Variants in NYAP1 observed in about 807,000 individuals in gnomAD.
NYAP1 encodes neuronal tyrosine phosphorylated phosphoinositide-3-kinase adaptor 1, also known as neuronal tyrosine-phosphorylated phosphoinositide-3-kinase adapter 1.
NYAP1 carries 20 observed loss-of-function variants against 58.6 expected under a neutral mutation model. The observed-to-expected ratio is 0.34, with a 90% CI of 0.24 to 0.50. NYAP1 has a LOEUF of 0.50. Ranked by LOEUF, NYAP1 falls within the 20% of genes least tolerant of loss-of-function variation. The probability of loss-of-function intolerance (pLI) is 0.98; values close to 1 mark genes in which losing one functional copy is unlikely to be tolerated. For synonymous variants in NYAP1, 572 were observed against 523.1 expected, an observed-to-expected ratio of 1.09 and a Z score of -1.27; for missense variants, 1,150 against 1,194.5, an observed-to-expected ratio of 0.96 and a Z score of 0.55.
Position 100,488,695 on chromosome 7 carries a change from C to T in NYAP1, c.974C>T (p.Pro325Leu), listed in dbSNP as rs1454265685. ...PTKTTPCEIP[P>L]PFPNLLQHRP... is the part of the protein sequence containing the mutation. ...AAGACCACTCCTTGTGAAATCCCCC[C>T]GCCCTTCCCCAACCTCCTTCAGCAC... is the stretch of plus-strand genomic sequence containing the variant. Residue 325 changes from proline (P) to leucine (L), a missense_variant, in exon 4 of 7, where the codon CCG (proline) becomes CTG (leucine). Physicochemically the swap from Pro to Leu is moderately conservative, Grantham distance 98. Transcript: ENST00000300179. This position sits in a 1 kb window ranked among gnomAD's most constrained non-coding sequence, Gnocchi z 5.9. The T allele has an allele frequency of 5.0e-6, 8 of 1,611,704 alleles. No individual in the cohort carries two copies. The highest frequency in any genetic ancestry group is 2.2e-5 in the East Asian group (1 of 44,836).
chr7:100,492,078 A>T (rs1472311517), intron 6 of NYAP1, among the ~76,000 whole-genome samples: 1 of 150,580 alleles, frequency 6.6e-6, no homozygotes, highest in Non-Finnish European at 1.5e-5. Context: ...AAAAACAAAA[A>T]CCCCACAGAA....
chr7:100,489,514 G>A lies in NYAP1; in HGVS notation c.1793G>A (p.Gly598Asp). 1 of 1,613,468 alleles carries A rather than the reference G, an allele frequency of 6.2e-7. No individual in the cohort carries two copies. Among genetic ancestry groups the A allele is most frequent in the Non-Finnish European group, 8.5e-7 (1 of 1,179,992 alleles). ...IQLQEQGTDG[G>D]AFASISCAHV... ...CTGCAGGAGCAAGGGACCGATGGGG[G>A]TGCTTTTGCCAGCATCTCCTGTGCC... Residue 598 changes from glycine (G) to aspartate (D), a missense_variant, in exon 4 of 7, where the codon GGT becomes GAT. Gly to Asp is a moderately conservative substitution (Grantham distance 94, BLOSUM62 -1). Transcript: ENST00000300179.
chr7:100,489,785 G>T, intron 4 of NYAP1, 119 bp downstream of exon 4: 3 of 805,382 alleles, frequency 3.7e-6, no homozygotes, highest in Non-Finnish European at 3.7e-6. Context: ...TTGAGTCTGG[G>T]ATGTTTTCTA....
Position 100,494,280 on chromosome 7 carries a change from G to C in NYAP1, c.*377G>C, listed in dbSNP as rs957154924. ...TGAGCTGAAAGAGAGGGACTAGAGT[G>C]CCAGATGGAGGAGCTCTTTTCTAGA... On this transcript the variant is annotated 3_prime_UTR_variant, in exon 7 of 7. Transcript: ENST00000300179. The C allele has an allele frequency of 5.8e-5, 12 of 205,194 alleles. 1 individual carries two copies. The East Asian group carries it at 1.3e-3, about 22-fold the overall frequency. 12.7% of individuals were successfully genotyped at this position (205,194 alleles called of 1,614,324 possible).
chr7:100,487,163 G>A lies in NYAP1; in HGVS notation c.411G>A (p.Thr137=), dbSNP rs1348029978. The change falls in exon 3 of 7, where the codon ACG becomes ACA. Residue 137 remains threonine (T), a synonymous_variant. Coordinates refer to ENST00000300179, the MANE Select transcript of NYAP1 (RefSeq NM_173564.4). This position sits in a 1 kb window ranked among gnomAD's most constrained non-coding sequence, Gnocchi z 4.1. ...SMVGPGSGAE[T]PPSKKAGSQK... is the part of the protein sequence containing the mutation. ...TGGGGCCTGGGTCTGGGGCAGAGACGCCCCCCAGCAAGAAAGCAGGTGAGA... is the reference window on the plus strand; with the variant it reads ...TGGGGCCTGGGTCTGGGGCAGAGACACCCCCCAGCAAGAAAGCAGGTGAGA... 3.4e-6 allele frequency: 5 copies of A among 1,491,038 alleles called. No homozygotes were observed. The highest frequency in any genetic ancestry group is 2.4e-5 in the Admixed American group (1 of 41,858). 92.4% of individuals were successfully genotyped at this position (1,491,038 alleles called of 1,614,324 possible). A position where few individuals can be genotyped will look rare whatever the true frequency, so the allele number is the denominator to read the frequency against.
At chr7:100,491,228 G>A in intron 6 of NYAP1, 133 bp downstream of exon 6, 1 of 600,860 alleles carries the variant, frequency 1.7e-6, no homozygotes, top group Non-Finnish European at 2.9e-6. Flanking sequence ...GGGAGGCCAA[G>A]GTGGGAGGGT....
Position 100,486,729 on chromosome 7 carries a change from G to A in NYAP1, c.69-92G>A. 2.2e-6 allele frequency: 3 copies of A among 1,367,314 alleles called. No individual in the cohort carries two copies. Among genetic ancestry groups the A allele is most frequent in the Non-Finnish European group, 2.8e-6 (3 of 1,055,694 alleles). The allele number at this position is 1,367,314 out of a possible 1,614,324, so 84.7% of individuals were successfully genotyped here. Reference sequence around the variant, plus strand: ...AGGCTCCCGTCCTCTTCCCTGGGAAGCCACAGGGTTGCTGACACCTCTTGG... The same window carrying A: ...AGGCTCCCGTCCTCTTCCCTGGGAAACCACAGGGTTGCTGACACCTCTTGG... On this transcript the variant is annotated intron_variant, in intron 2 of 6. Coordinates refer to ENST00000300179, the MANE Select transcript of NYAP1 (RefSeq NM_173564.4). The surrounding 1 kb of genome is among the most constrained non-coding windows in gnomAD (Gnocchi z 6.2).
chr7:100,487,244 C>G lies in NYAP1; in HGVS notation c.430+62C>G, dbSNP rs1381123485. 2.1e-6 allele frequency: 3 copies of G among 1,438,194 alleles called. No individual in the cohort carries two copies. The highest frequency in any genetic ancestry group is 2.7e-5 in the East Asian group (1 of 37,734). The allele number at this position is 1,438,194 out of a possible 1,614,324, so 89.1% of individuals were successfully genotyped here. A position where few individuals can be genotyped will look rare whatever the true frequency, so the allele number is the denominator to read the frequency against. On this transcript the variant is annotated intron_variant, in intron 3 of 6. Coordinates refer to ENST00000300179, the MANE Select transcript of NYAP1 (RefSeq NM_173564.4). The surrounding 1 kb of genome is among the most constrained non-coding windows in gnomAD (Gnocchi z 4.1). Reference sequence around the variant, plus strand: ...GGAGCTGGGAGGATCTATTCCACGCCCGGGGAGGCTTGCCGGGAGGGTTCA... The same window carrying G: ...GGAGCTGGGAGGATCTATTCCACGCGCGGGGAGGCTTGCCGGGAGGGTTCA...
In NYAP1 at chr7:100,487,755, C is replaced by T. The variant is rs948631242; in HGVS notation, c.431-397C>T. ...TTGCTGGCCTCAGGTGATCCACCCACCTCGGCCTCCCAGAGTGCTGGGATT... is the reference window on the plus strand; with the variant it reads ...TTGCTGGCCTCAGGTGATCCACCCATCTCGGCCTCCCAGAGTGCTGGGATT... On this transcript the variant is annotated intron_variant, in intron 3 of 6. Transcript: ENST00000300179. This position sits in a 1 kb window ranked among gnomAD's most constrained non-coding sequence, Gnocchi z 4.1. Among the ~76,000 whole-genome samples the T allele has an allele frequency of 7.2e-5, 11 of 152,226 alleles. No individual in the cohort carries two copies. The highest frequency in any genetic ancestry group is 1.5e-4 in the Non-Finnish European group (10 of 68,032).
intron 6 of NYAP1, among the ~76,000 whole-genome samples, chr7:100,491,611 A>AAAAG (rs1335498004): frequency 6.6e-6 from 1 of 151,788 alleles, no homozygotes; most frequent in African/African-American, 2.4e-5. Context: ...GAAAAAAAAA[A>AAAAG]AAAGAAAGAA....
chr7:100,490,987 C>T lies in NYAP1; in HGVS notation c.2160C>T (p.Asp720=), dbSNP rs1175938368. ...TCACTCCTCCTTCTTCCACCTCAGA[C>T]TTCACGGGAGGCTACCGCCTGGGGC... The part of the protein sequence containing the change: ...QTFPACHRNG[D]FTGGYRLGRS... The change falls in exon 6 of 7, where the codon GAC becomes GAT. Residue 720 remains aspartate (D), a splice_region_variant and synonymous_variant. Transcript: ENST00000300179. This position sits in a 1 kb window ranked among gnomAD's most constrained non-coding sequence, Gnocchi z 4.6. The T allele has an allele frequency of 3.9e-6, 6 of 1,548,150 alleles. No individual in the cohort carries two copies. Among genetic ancestry groups the T allele is most frequent in the Non-Finnish European group, 5.2e-6 (6 of 1,144,092 alleles).
In NYAP1 at chr7:100,487,658, C is replaced by A. The variant is rs547123514; in HGVS notation, c.430+476C>A. On this transcript the variant is annotated intron_variant, in intron 3 of 6. Coordinates refer to ENST00000300179, the MANE Select transcript of NYAP1 (RefSeq NM_173564.4). The surrounding 1 kb of genome is among the most constrained non-coding windows in gnomAD (Gnocchi z 4.1). ...CTGGGATTACAGGCGTCCGTCACCA[C>A]GCCCGGCTAATTTTTTGTATTTTTA... 6.6e-6 allele frequency among the ~76,000 whole-genome samples: 1 copy of A among 152,270 alleles called. No individual in the cohort carries two copies. The highest frequency in any genetic ancestry group is 2.1e-4 in the South Asian group (1 of 4,826).
rs1008574737 is a variant in NYAP1, at chr7:100,486,558, C to T, written c.69-263C>T. Among the ~76,000 whole-genome samples, 12 of 152,072 alleles carry T rather than the reference C, an allele frequency of 7.9e-5. No homozygotes were observed. The highest frequency in any genetic ancestry group is 6.5e-4 in the Admixed American group (10 of 15,268). On this transcript the variant is annotated intron_variant, in intron 2 of 6. Coordinates refer to ENST00000300179, the MANE Select transcript of NYAP1 (RefSeq NM_173564.4). This position sits in a 1 kb window ranked among gnomAD's most constrained non-coding sequence, Gnocchi z 6.2. ...CCACACAGGTGCCCAGGCTGGGATCCGCCAGCCCCAGGGATGCTCCCCTGC... is the reference window on the plus strand; with the variant it reads ...CCACACAGGTGCCCAGGCTGGGATCTGCCAGCCCCAGGGATGCTCCCCTGC...
In NYAP1 at chr7:100,493,738, C is replaced by A; in HGVS notation, c.2361C>A (p.Arg787=). 6.2e-7 allele frequency: 1 copy of A among 1,604,512 alleles called. No homozygotes were observed. Among genetic ancestry groups the A allele is most frequent in the Admixed American group, 1.7e-5 (1 of 59,574 alleles). ...GKLLEVIERK[R]CVCKEIKARH... is the part of the protein sequence containing the mutation. ...TGCTGGAGGTGATCGAGCGCAAGCGCTGCGTGTGCAAGGAGATCAAGGCGC... is the reference window on the plus strand; with the variant it reads ...TGCTGGAGGTGATCGAGCGCAAGCGATGCGTGTGCAAGGAGATCAAGGCGC... The change falls in exon 7 of 7, where the codon CGC becomes CGA. Residue 787 remains arginine, a synonymous_variant. Coordinates refer to ENST00000300179, the MANE Select transcript of NYAP1 (RefSeq NM_173564.4).
intron 6 of NYAP1, among the ~76,000 whole-genome samples, chr7:100,493,004 G>C (rs1799817556): frequency 6.6e-6 from 1 of 151,904 alleles, no homozygotes; most frequent in Admixed American, 6.6e-5. Context: ...AAAGAAAAGA[G>C]AAAGAAAGAA....
chr7:100,489,429 G>T lies in NYAP1; in HGVS notation c.1708G>T (p.Gly570Trp), dbSNP rs769423238. 4.3e-6 allele frequency: 7 copies of T among 1,611,874 alleles called. No homozygotes were observed. The highest frequency in any genetic ancestry group is 2.2e-5 in the East Asian group (1 of 44,852). ...CCCTGCCTATGAGAGCCTCAAGGCT[G>T]GGGGGGTGCTGAATAAGGGCTGTGG... The part of the protein sequence containing the change: ...RPPAYESLKA[G>W]GVLNKGCGVG... Residue 570 changes from glycine to tryptophan, a missense_variant, in exon 4 of 7, where the codon GGG becomes TGG. Gly to Trp is a radical substitution (Grantham distance 184). Transcript: ENST00000300179.
Position 100,486,905 on chromosome 7 carries a change from G to A in NYAP1, c.153G>A (p.Ser51=), listed in dbSNP as rs752513977. 20 of 1,585,482 alleles carry A rather than the reference G, an allele frequency of 1.3e-5. No homozygotes were observed. Among genetic ancestry groups the A allele is most frequent in the Admixed American group, 1.2e-4 (7 of 56,004 alleles). ...GGGTCCGCGTGCGGGACATCGCCTC[G>A]CTGCGGCGCTCCCTCAGGATGGGTT... ...GPGVRVRDIA[S]LRRSLRMGFM... is the part of the protein sequence containing the mutation. Residue 51 remains serine (S), a synonymous_variant, in exon 3 of 7, where the codon TCG becomes TCA. Transcript: ENST00000300179. The surrounding 1 kb of genome is among the most constrained non-coding windows in gnomAD (Gnocchi z 6.2).
In NYAP1 at chr7:100,484,822, C is replaced by G. The variant is rs567462431; in HGVS notation, c.-84-406C>G. ...TTTATGTCTGTGTGCCTGTCTATCCCTAGGTTTCTGTTTACCTATGCCAAT... is the reference window on the plus strand; with the variant it reads ...TTTATGTCTGTGTGCCTGTCTATCCGTAGGTTTCTGTTTACCTATGCCAAT... On this transcript the variant is annotated intron_variant, in intron 1 of 6. Coordinates refer to ENST00000300179, the MANE Select transcript of NYAP1 (RefSeq NM_173564.4). Among the ~76,000 whole-genome samples, 5 of 152,132 alleles carry G rather than the reference C, an allele frequency of 3.3e-5. No individual in the cohort carries two copies. In the South Asian group the frequency reaches 1.0e-3, roughly 32 times the overall value.
rs1307970769 is a variant in NYAP1, at chr7:100,485,294, C to T, written c.-18C>T. On this transcript the variant is annotated 5_prime_UTR_variant, in exon 2 of 7. Transcript: ENST00000300179. This position sits in a 1 kb window ranked among gnomAD's most constrained non-coding sequence, Gnocchi z 5.7. ...GCACTGAGCAGGGCCCCCCAGCCCC[C>T]ACCTCCTGCCCCACGAGATGAACCT... The T allele has an allele frequency of 2.5e-6, 4 of 1,571,690 alleles. No individual in the cohort carries two copies. The highest frequency in any genetic ancestry group is 3.5e-6 in the Non-Finnish European group (4 of 1,155,126).
Sources: allele counts gnomAD v4.1 joint callset (sites outside exome capture counted in the v4.1 genomes callset), GRCh38; gene constraint gnomAD v4.1.1; non-coding constraint Gnocchi (gnomAD v3.1); transcripts MANE v1.5; gene names NCBI Gene and HGNC (gene_info 2026-07-23, HGNC 2026-07-21).